The following USP14 variants were observed in gnomAD, a reference collection of about 807,000 sequenced individuals.
USP14 encodes ubiquitin carboxyl-terminal hydrolase 14.
USP14 carries 38 observed loss-of-function variants against 76.5 expected under a neutral mutation model. The observed-to-expected ratio is 0.50, with a 90% CI of 0.38 to 0.65. The LOEUF (loss-of-function observed/expected upper bound fraction) is 0.65. Ranked by LOEUF, USP14 falls within the 30% of genes least tolerant of loss-of-function variation. The pLI, the probability that USP14 is intolerant of heterozygous loss-of-function variation, is 0.00. For synonymous variants in USP14, 192 were observed against 191.7 expected (o/e 1.00, Z -0.01); for missense variants, 467 against 586.5 (o/e 0.80, Z 2.10).
In USP14 at chr18:212,544, C is replaced by G. The variant is rs2143112713; in HGVS notation, c.*1260C>G. The G allele has an allele frequency of 6.6e-6, 1 of 151,352 alleles. No homozygotes were observed. The highest frequency in any genetic ancestry group is 3.4e-3 in the Middle Eastern group (1 of 294). The allele number at this position is 151,352 out of a possible 1,614,324, so 9.4% of individuals were successfully genotyped here. ...GCTTGAACCTGGAAGGCAGAAGTTG[C>G]AGTGAGCTGAGATCACACCACTGCA... is the stretch of plus-strand genomic sequence containing the variant. On this transcript the variant is annotated 3_prime_UTR_variant, in exon 16 of 16. Transcript: ENST00000261601.
intron 13 of USP14, among the ~76,000 whole-genome samples, chr18:205,037 G>C (rs1192212658): frequency 6.6e-6 from 1 of 151,890 alleles, no homozygotes; most frequent in Non-Finnish European, 1.5e-5. Context: ...ACCATGCCCA[G>C]CTATTTTTTT....
chr18:196,925 A>G (rs1196945049), intron 7 of USP14, among the ~76,000 whole-genome samples, 158 bp downstream of exon 7: 2 of 86,130 alleles, frequency 2.3e-5, no homozygotes, highest in East Asian at 5.6e-4. Flanking sequence ...GTCTTAACTG[A>G]TATCTGGCTT....
intron 3 of USP14, among the ~76,000 whole-genome samples, chr18:173,107 CTT>C (rs1371505197): frequency 2.1e-5 from 3 of 141,192 alleles, no homozygotes. Flanking sequence ...TATTGTCTGT[CTT>C]TTTTTTTTTT....
chr18:160,814 C>A (rs1405936583), intron 1 of USP14, among the ~76,000 whole-genome samples: 1 of 152,218 alleles, frequency 6.6e-6, no homozygotes, highest in Non-Finnish European at 1.5e-5. Flanking sequence ...AGCCTGATTT[C>A]TCTGCTGCTG....
In USP14 at chr18:213,354, T is replaced by TCA. The variant is rs1910729974; in HGVS notation, c.*2070_*2071insCA. The TCA allele has an allele frequency of 2.0e-5, 3 of 152,242 alleles. No individual in the cohort carries two copies. In the East Asian group the frequency reaches 5.8e-4, roughly 29 times the overall value. 9.4% of individuals were successfully genotyped at this position (152,242 alleles called of 1,614,324 possible). On this transcript the variant is annotated 3_prime_UTR_variant, in exon 16 of 16. Coordinates refer to ENST00000261601, the MANE Select transcript of USP14 (RefSeq NM_005151.4). ...AATTGTAATTAATTCCTTATCATCA[T>TCA]TATAAAAAGCTTGATTTTTTTATTT...
At chr18:193,071 A>C (rs1306523198) in intron 6 of USP14, among the ~76,000 whole-genome samples, 171 bp downstream of exon 6, 1 of 152,206 alleles carries the variant, frequency 6.6e-6, no homozygotes, top group Non-Finnish European at 1.5e-5. Context: ...TCCAGATTAT[A>C]AATCAATGAT....
Position 214,490 on chromosome 18 carries a change from T to C in USP14, c.*3206T>C. ...GTTTGAGCCAATATGTGTTCTATTG[T>C]TCTCAGAGCACCAGCCGACTGTACA... is the stretch of plus-strand genomic sequence containing the variant. On this transcript the variant is annotated 3_prime_UTR_variant, in exon 16 of 16. Transcript: ENST00000261601. 1.4e-6 allele frequency: 1 copy of C among 731,908 alleles called. No individual in the cohort carries two copies. 45.3% of individuals were successfully genotyped at this position (731,908 alleles called of 1,614,324 possible). A position where few individuals can be genotyped will look rare whatever the true frequency, so the allele number is the denominator to read the frequency against.
chr18:193,630 G>A (rs1291490468), intron 6 of USP14, among the ~76,000 whole-genome samples: 1 of 152,060 alleles, frequency 6.6e-6, no homozygotes, highest in East Asian at 1.9e-4. Context: ...TTATCTATGT[G>A]TTATTTCTCT....
At chr18:177,448 T>A (rs1909658263) in intron 3 of USP14, among the ~76,000 whole-genome samples, 1 of 151,160 alleles carries the variant, frequency 6.6e-6, no homozygotes. Context: ...AAAAAAATTC[T>A]GTAGTGATGG....
intron 5 of USP14, among the ~76,000 whole-genome samples, chr18:191,252 G>A (rs1260920063): frequency 6.6e-6 from 1 of 152,108 alleles, no homozygotes; most frequent in African/African-American, 2.4e-5. Context: ...GTGAATTATT[G>A]TGTATTGAAA....
At chr18:174,747 G>A (rs1416599336) in intron 3 of USP14, among the ~76,000 whole-genome samples, 2 of 151,860 alleles carry the variant, frequency 1.3e-5, no homozygotes, top group African/African-American at 4.8e-5. Flanking sequence ...TGGGACTATA[G>A]GCATGCACCA....
chr18:158,856 C>T (rs1361632061), intron 1 of USP14, 142 bp downstream of exon 1: 2 of 1,207,660 alleles, frequency 1.7e-6, no homozygotes, highest in African/African-American at 3.2e-5. Context: ...CGGAGATGAC[C>T]CAGGCACCGT....
intron 3 of USP14, among the ~76,000 whole-genome samples, chr18:173,613 A>ACTGGTCTCCATGTTGGTCAGG (rs1441475210): frequency 2.0e-5 from 3 of 150,702 alleles, no homozygotes; most frequent in African/African-American, 7.4e-5. Context: ...TGTTGGTCAG[A>ACTGGTCTCCATGTTGGTCAGG]CTGGTCTCCA....
chr18:192,961 A>G (rs1002657779), intron 6 of USP14, 61 bp downstream of exon 6: 10 of 1,423,878 alleles, frequency 7.0e-6, no homozygotes, highest in Admixed American at 1.9e-5. Context: ...TTCGCTCACA[A>G]TCCTTTGCAG....
chr18:210,138 A>G (rs1910631246), intron 14 of USP14, 107 bp downstream of exon 14: 1 of 974,268 alleles, frequency 1.0e-6, no homozygotes, highest in African/African-American at 1.7e-5. Context: ...TTCAAACAAA[A>G]TGTCAGGTTT....
At chr18:209,605 C>T (rs1054972769) in intron 13 of USP14, among the ~76,000 whole-genome samples, 1 of 152,136 alleles carries the variant, frequency 6.6e-6, no homozygotes, top group Non-Finnish European at 1.5e-5. Flanking sequence ...TTTTTCCCCC[C>T]ACCTCTGTGG....
intron 13 of USP14, among the ~76,000 whole-genome samples, chr18:208,003 G>A (rs913449118): frequency 6.6e-6 from 1 of 151,994 alleles, no homozygotes; most frequent in African/African-American, 2.4e-5. Flanking sequence ...TGTAGAATTG[G>A]TGTTAATTTT....
At chr18:184,708 C>T (rs571470245) in intron 5 of USP14, among the ~76,000 whole-genome samples, 20 of 152,262 alleles carry the variant, frequency 1.3e-4, no homozygotes, top group African/African-American at 4.8e-4. Context: ...GTCGAGTCTG[C>T]AGTGAGCCAT....
chr18:192,508 T>G (rs933981064), intron 5 of USP14, among the ~76,000 whole-genome samples: 1 of 152,148 alleles, frequency 6.6e-6, no homozygotes, highest in African/African-American at 2.4e-5. Flanking sequence ...GAGGTTGCAG[T>G]GAGTCAAGAT....
Sources: gnomAD v4.1 joint callset for allele counts (sites outside exome capture counted in the v4.1 genomes callset) on GRCh38, gnomAD v4.1.1 for gene constraint, MANE v1.5 for transcripts, NCBI Gene and HGNC (gene_info 2026-07-23, HGNC 2026-07-21) for gene names.